Variants in TPM4 observed in about 807,000 individuals in gnomAD.
The protein encoded by TPM4 is tropomyosin alpha-4 chain.
Under a neutral mutation model 35.8 loss-of-function variants are expected in TPM4, and 17 were observed. The observed-to-expected ratio is 0.47, with a 90% CI of 0.32 to 0.71. The LOEUF (loss-of-function observed/expected upper bound fraction) is 0.71. Ranked by LOEUF, TPM4 falls within the 30% of genes least tolerant of loss-of-function variation. The pLI is 0.03. For synonymous variants in TPM4, 120 were observed against 122.9 expected, an observed-to-expected ratio of 0.98 and a Z score of 0.15; for missense variants, 240 against 320.9, an observed-to-expected ratio of 0.75 and a Z score of 1.93.
intron 1 of TPM4, chr19:16,081,007 T>C: frequency 2.5e-6 from 1 of 398,604 alleles, no homozygotes; most frequent in Non-Finnish European, 4.4e-6. Flanking sequence ...CTTTTTGTCC[T>C]GCCATCTCTC....
intron 7 of TPM4, 133 bp downstream of exon 7, chr19:16,093,886 A>T: frequency 3.9e-6 from 3 of 771,364 alleles, no homozygotes; most frequent in Admixed American, 2.4e-5. Flanking sequence ...GCGCATAGTG[A>T]TGTCATATCT....
intron 7 of TPM4, among the ~76,000 whole-genome samples, chr19:16,094,095 G>T (rs1178573395): frequency 1.3e-5 from 2 of 151,774 alleles, no homozygotes; most frequent in Non-Finnish European, 2.9e-5. Context: ...CTCCCAGGTA[G>T]CTGGGACTAC....
At chr19:16,084,085 C>T (rs1277686243) in intron 2 of TPM4, among the ~76,000 whole-genome samples, 1 of 152,194 alleles carries the variant, frequency 6.6e-6, no homozygotes. Flanking sequence ...CGCCACCACA[C>T]CCGGCTAATT....
chr19:16,093,228 C>A, intron 5 of TPM4: 1 of 279,932 alleles, frequency 3.6e-6, no homozygotes, highest in Non-Finnish European at 6.9e-6. Flanking sequence ...TGGAGTCTTA[C>A]TCTGTCACCC....
upstream of TPM4, chr19:16,076,481 G>GC (rs1555707023): frequency 7.5e-7 from 1 of 1,330,612 alleles, no homozygotes; most frequent in Non-Finnish European, 9.5e-7. Context: ...GGCTTGGGGG[G>GC]CCGGGGCGCG....
Position 16,067,665 on chromosome 19 carries a change from A to G in TPM4, c.41A>G (p.Asp14Gly). 1 of 1,613,712 alleles carries G rather than the reference A, an allele frequency of 6.2e-7. No homozygotes were observed. The highest frequency in any genetic ancestry group is 8.5e-7 in the Non-Finnish European group (1 of 1,179,870). The change falls in exon 2 of 3, where the codon GAC becomes GGC. Residue 14 changes from aspartate to glycine, a missense_variant. By Grantham distance (94) the Asp-to-Gly change is moderately conservative. Transcript: ENST00000589897. The surrounding 1 kb of genome is among the most constrained non-coding windows in gnomAD (Gnocchi z 4.1). The stretch of plus-strand genomic sequence containing the variant: ...AAGAAAATGCAGATGCTGAAGTTGG[A>G]CAAGGAGAATGCCATCGACCGCGCG...
At chr19:16,089,239 G>A (rs766453953) in intron 5 of TPM4, 119 bp downstream of exon 5, 12 of 1,322,786 alleles carry the variant, frequency 9.1e-6, no homozygotes, top group South Asian at 1.3e-5. Context: ...AGTAGCGTTG[G>A]TGCCTGGCAG....
At chr19:16,069,913 C>A (rs1041377166) in intron 2 of TPM4, among the ~76,000 whole-genome samples, 2 of 151,820 alleles carry the variant, frequency 1.3e-5, no homozygotes, top group African/African-American at 2.4e-5. Flanking sequence ...TGACACTATG[C>A]CCCTGGATCA....
chr19:16,090,629 A>T (rs1388984241), intron 5 of TPM4, among the ~76,000 whole-genome samples: 1 of 152,006 alleles, frequency 6.6e-6, no homozygotes, highest in Admixed American at 6.6e-5. Context: ...TAGGTTAGGT[A>T]TTTCTCTGCT....
chr19:16,082,148 A>G (rs3786577), intron 2 of TPM4, 102 bp downstream of exon 2: 590,494 of 1,444,182 alleles, frequency 0.41, 124,352 homozygotes, highest in East Asian at 0.73. Context: ...CAAGGTCACA[A>G]GGACATGCAT....
At chr19:16,076,456 C>T, upstream of TPM4, 1 of 1,337,458 alleles carries the variant, frequency 7.5e-7, no homozygotes, top group Non-Finnish European at 9.5e-7. Flanking sequence ...CGGGGGCGGC[C>T]CCCGCGCAGG....
intron 1 of TPM4, 161 bp downstream of exon 1, chr19:16,076,858 G>A (rs2090414379): frequency 2.4e-6 from 3 of 1,243,706 alleles, no homozygotes; most frequent in African/African-American, 1.6e-5. Flanking sequence ...CCCGCAGCCA[G>A]GACCCCCTAC....
At position 16,102,056 on chromosome 19, in the gene TPM4, A is replaced by C. The variant is rs919290472; in HGVS notation, c.*710A>C. ...TTCTTTTGCATATTTCCTTCATTCT[A>C]AAGTTGTTCCCTGGCCGGGAGCGTT... On this transcript the variant is annotated 3_prime_UTR_variant, in exon 8 of 8. Transcript: ENST00000643579. The C allele has an allele frequency of 4.8e-6, 1 of 207,648 alleles. No homozygotes were observed. The highest frequency in any genetic ancestry group is 2.3e-5 in the African/African-American group (1 of 43,878). The allele number at this position is 207,648 out of a possible 1,614,324, so 12.9% of individuals were successfully genotyped here.
intron 5 of TPM4, among the ~76,000 whole-genome samples, chr19:16,092,368 G>A (rs893913247): frequency 2.0e-5 from 3 of 151,908 alleles, no homozygotes; most frequent in African/African-American, 4.8e-5. Context: ...GGGGCCTTGA[G>A]TAACAGATTC....
intron 2 of TPM4, among the ~76,000 whole-genome samples, chr19:16,068,149 GGTGTGTGTGTGCATGTGTGC>G (rs1427673016): frequency 6.8e-6 from 1 of 146,190 alleles, no homozygotes; most frequent in Non-Finnish European, 1.5e-5. Context: ...GTTTGCCTCT[GGTGTGTGTGTGCATGTGTGC>G]GTGTGTGTGT....
At chr19:16,073,496 G>A (rs969539324), upstream of TPM4, among the ~76,000 whole-genome samples, 1 of 152,166 alleles carries the variant, frequency 6.6e-6, no homozygotes. Context: ...AGAATCTGAG[G>A]CCAGAAAAGG....
chr19:16,079,144 A>ACAG (rs1441870050), intron 1 of TPM4, among the ~76,000 whole-genome samples: 3 of 152,212 alleles, frequency 2.0e-5, no homozygotes, highest in African/African-American at 4.8e-5. Context: ...CCAACTCCAG[A>ACAG]CAGCTGAAAA....
intron 2 of TPM4, among the ~76,000 whole-genome samples, chr19:16,069,524 G>T (rs1181387662): frequency 1.4e-5 from 2 of 145,582 alleles, no homozygotes; most frequent in Admixed American, 6.8e-5. Context: ...TGTTTCTATT[G>T]GTGTGTATGT....
intron 2 of TPM4, among the ~76,000 whole-genome samples, chr19:16,082,990 CAAAAAAA>C (rs1195606325): frequency 6.4e-5 from 4 of 62,854 alleles, no homozygotes; most frequent in South Asian, 1.1e-3. Flanking sequence ...GATTCTGTCT[CAAAAAAA>C]AAAAAAAAAA....
Sources: allele counts gnomAD v4.1 joint callset (sites outside exome capture counted in the v4.1 genomes callset), GRCh38; gene constraint gnomAD v4.1.1; non-coding constraint Gnocchi (gnomAD v3.1); transcripts MANE v1.5; gene names NCBI Gene and HGNC (gene_info 2026-07-23, HGNC 2026-07-21).